TMTC4: variants seen among roughly 807,000 people sequenced by gnomAD.
TMTC4 encodes transmembrane O-mannosyltransferase targeting cadherins 4, also known as protein O-mannosyl-transferase TMTC4.
A neutral mutation model predicts 86.0 loss-of-function variants in TMTC4; 65 were observed. The ratio of observed to expected loss-of-function variants is 0.76; its 90% CI spans 0.62 to 0.93. The LOEUF (loss-of-function observed/expected upper bound fraction) is 0.93. TMTC4 is among the 40% of genes least tolerant of loss of function. The pLI is 0.00. For synonymous variants in TMTC4, 379 were observed against 382.5 expected, an observed-to-expected ratio of 0.99 and a Z score of 0.11; for missense variants, 866 against 948.1, an observed-to-expected ratio of 0.91 and a Z score of 1.14.
intron 15 of TMTC4, among the ~76,000 whole-genome samples, chr13:100,622,445 T>C (rs555553572): frequency 5.3e-4 from 81 of 152,328 alleles, no homozygotes; most frequent in African/African-American, 1.7e-3. Context: ...ATCATTCCCA[T>C]GTGTTGTGGG....
chr13:100,665,516 C>A (rs575416373), intron 3 of TMTC4, among the ~76,000 whole-genome samples: 1 of 152,232 alleles, frequency 6.6e-6, no homozygotes, highest in African/African-American at 2.4e-5. Flanking sequence ...ACAAATCATG[C>A]GCCGGGCACC....
chr13:100,632,063 T>A (rs1048822709), intron 12 of TMTC4, among the ~76,000 whole-genome samples: 349 of 54,856 alleles, frequency 6.4e-3, no homozygotes, highest in South Asian at 0.025. Context: ...ACTCTCTCTC[T>A]CTCTCTCTCT....
chr13:100,667,183 A>G (rs1439358851), intron 3 of TMTC4, among the ~76,000 whole-genome samples: 4 of 152,234 alleles, frequency 2.6e-5, no homozygotes, highest in African/African-American at 9.6e-5. Flanking sequence ...CCTGTAATCC[A>G]GAACTTTGGG....
intron 1 of TMTC4, chr13:100,674,157 G>A (rs1373296058): frequency 3.1e-6 from 3 of 980,882 alleles, no homozygotes; most frequent in Non-Finnish European, 3.6e-6. Flanking sequence ...GGAAGCGGCG[G>A]CTCGGTGGCC....
rs944104955 is a variant in TMTC4 at position 100,657,088 on chromosome 13, T to C, written c.553-620A>G. Among the ~76,000 whole-genome samples the C allele has an allele frequency of 5.3e-5, 8 of 152,294 alleles. No homozygotes were observed. In the South Asian group the frequency reaches 8.3e-4, roughly 16 times the overall value. On this transcript the variant is annotated intron_variant, in intron 5 of 18. Coordinates refer to ENST00000342624, the MANE Select transcript of TMTC4 (RefSeq NM_032813.5). ...CACGTGCCATAAAAACTGTGTTCTT[T>C]AACACACGATACCCAAGAGCTCCAA...
chr13:100,633,290 C>G (rs948492084), intron 12 of TMTC4, among the ~76,000 whole-genome samples: 1 of 121,434 alleles, frequency 8.2e-6, no homozygotes, highest in Non-Finnish European at 1.6e-5. Flanking sequence ...GCCTGGGCAA[C>G]AGAGCAAGAC....
Position 100,635,146 on chromosome 13 carries a change from T to C in TMTC4, c.1252A>G (p.Ser418Gly). 1 of 1,613,756 alleles carries C rather than the reference T, an allele frequency of 6.2e-7. No homozygotes were observed. The highest frequency in any genetic ancestry group is 1.1e-5 in the South Asian group (1 of 90,998). Residue 418 changes from serine to glycine, a missense_variant, in exon 11 of 19, where the codon AGT becomes GGT. Ser to Gly is a moderately conservative substitution (Grantham distance 56, BLOSUM62 0). Coordinates refer to ENST00000342624, the MANE Select transcript of TMTC4 (RefSeq NM_032813.5). ...GFLVIPFLPA[S>G]NLFFRVGFVV... ...AAGCCCACTCGGAAGAACAGGTTACTCGCGGGGAGAAATGGGATAACGAGA... is the reference window on the plus strand; with the variant it reads ...AAGCCCACTCGGAAGAACAGGTTACCCGCGGGGAGAAATGGGATAACGAGA...
In TMTC4 at chr13:100,642,380, T is replaced by A; in HGVS notation, c.641-69A>T. Reference sequence around the variant, plus strand: ...AGCTCAGTTTTTTAGCATCAGGAACTAAAATTCTAAGCAAATACCTTAAAC... The same window carrying A: ...AGCTCAGTTTTTTAGCATCAGGAACAAAAATTCTAAGCAAATACCTTAAAC... On this transcript the variant is annotated intron_variant, in intron 6 of 18. Coordinates refer to ENST00000342624, the MANE Select transcript of TMTC4 (RefSeq NM_032813.5). 6 of 1,547,414 alleles carry A rather than the reference T, an allele frequency of 3.9e-6. No homozygotes were observed. In the South Asian group the frequency reaches 5.6e-5, roughly 15 times the overall value.
chr13:100,670,471 C>T lies in TMTC4; in HGVS notation c.-109G>A. ...ACTGCTTGTCTCTCGAGCCTCACAG[C>T]CTGGCATACGGCATGCTCTCAGCAA... On this transcript the variant is annotated 5_prime_UTR_variant, in exon 2 of 19. Coordinates refer to ENST00000342624, the MANE Select transcript of TMTC4 (RefSeq NM_032813.5). 1 of 1,211,366 alleles carries T rather than the reference C, an allele frequency of 8.3e-7. No homozygotes were observed. Among genetic ancestry groups the T allele is most frequent in the Non-Finnish European group, 1.2e-6 (1 of 869,246 alleles). 75.0% of individuals were successfully genotyped at this position (1,211,366 alleles called of 1,614,324 possible). A position where few individuals can be genotyped will look rare whatever the true frequency, so the allele number is the denominator to read the frequency against.
chr13:100,645,354 T>C (rs1227598371), intron 6 of TMTC4, among the ~76,000 whole-genome samples: 1 of 152,214 alleles, frequency 6.6e-6, no homozygotes. Context: ...TCAATAAAGC[T>C]GTTAAATGTC....
intron 5 of TMTC4, among the ~76,000 whole-genome samples, chr13:100,657,757 GAC>G (rs1699566877): frequency 6.6e-6 from 1 of 152,196 alleles, no homozygotes; most frequent in African/African-American, 2.4e-5. Context: ...AATATACACT[GAC>G]TACGAAATTA....
intron 12 of TMTC4, among the ~76,000 whole-genome samples, chr13:100,634,046 G>A (rs765270474): frequency 9.2e-5 from 14 of 151,928 alleles, no homozygotes; most frequent in East Asian, 1.9e-4. Flanking sequence ...GGCTGAGGCC[G>A]GAGAATCCCT....
intron 5 of TMTC4, among the ~76,000 whole-genome samples, chr13:100,659,309 C>G (rs894686618): frequency 6.6e-6 from 1 of 152,130 alleles, no homozygotes; most frequent in African/African-American, 2.4e-5. Flanking sequence ...ACTCTGTTTT[C>G]CAGGCTGGAG....
chr13:100,610,479 A>G (rs374329948), intron 17 of TMTC4, among the ~76,000 whole-genome samples: 6 of 152,314 alleles, frequency 3.9e-5, no homozygotes, highest in African/African-American at 1.2e-4. Flanking sequence ...AAGTCACATC[A>G]TGTCCCCCAA....
Position 100,627,120 on chromosome 13 carries a change from T to C in TMTC4, c.1507-970A>G, listed in dbSNP as rs1014778335. On this transcript the variant is annotated intron_variant, in intron 12 of 18. Coordinates refer to ENST00000342624, the MANE Select transcript of TMTC4 (RefSeq NM_032813.5). Reference sequence around the variant, plus strand: ...CCTCTGGCACTGTGAGAAATGAGTGTCTGGCACCCTGTCTCTGGTATTATT... The same window carrying C: ...CCTCTGGCACTGTGAGAAATGAGTGCCTGGCACCCTGTCTCTGGTATTATT... Among the ~76,000 whole-genome samples the C allele has an allele frequency of 4.6e-5, 7 of 152,152 alleles. No homozygotes were observed. In the South Asian group the frequency reaches 1.4e-3, roughly 31 times the overall value.
intron 12 of TMTC4, among the ~76,000 whole-genome samples, chr13:100,631,594 G>A (rs9557467): frequency 0.27 from 40,965 of 152,136 alleles, 6,491 homozygotes; most frequent in Admixed American, 0.37. Flanking sequence ...GCAAGGCACT[G>A]TGCCTTGACA....
upstream of TMTC4, chr13:100,675,059 C>T (rs922575283): frequency 3.0e-6 from 3 of 985,708 alleles, no homozygotes; most frequent in East Asian, 1.1e-4. Flanking sequence ...GGCGCAGGGA[C>T]AGACGGACCC....
At chr13:100,629,664 T>C (rs976842368) in intron 12 of TMTC4, among the ~76,000 whole-genome samples, 1 of 152,196 alleles carries the variant, frequency 6.6e-6, no homozygotes, top group Non-Finnish European at 1.5e-5. Flanking sequence ...TTTCTTTTTA[T>C]ATGTTATTGT....
At chr13:100,622,590 T>A (rs531200971) in intron 15 of TMTC4, among the ~76,000 whole-genome samples, 12 of 152,128 alleles carry the variant, frequency 7.9e-5, no homozygotes, top group African/African-American at 9.7e-5. Context: ...TTTTCTTTTG[T>A]CTGCTGCCAT....
Sources: gnomAD v4.1 joint callset for allele counts (sites outside exome capture counted in the v4.1 genomes callset) on GRCh38, gnomAD v4.1.1 for gene constraint, MANE v1.5 for transcripts, NCBI Gene and HGNC (gene_info 2026-07-23, HGNC 2026-07-21) for gene names.